The following NLN variants were observed in gnomAD, a reference collection of about 807,000 sequenced individuals.
NLN encodes the protein neurolysin, mitochondrial.
A neutral mutation model predicts 79.9 loss-of-function variants in NLN; 64 were observed. The ratio of observed to expected loss-of-function variants is 0.80; its 90% CI spans 0.65 to 0.99. NLN has a LOEUF of 0.99. NLN is among the 50% of genes least tolerant of loss of function. The pLI, the probability that NLN is intolerant of heterozygous loss-of-function variation, is 0.00. For missense variants in NLN, 835 were observed against 858.7 expected (o/e 0.97, Z 0.34); for synonymous variants, 267 against 296.6 (o/e 0.90, Z 1.02).
chr5:65,763,147 T>C, intron 3 of NLN, 39 bp downstream of exon 3: 4 of 1,555,512 alleles, frequency 2.6e-6, no homozygotes, highest in Non-Finnish European at 3.5e-6. Context: ...AGGGAAAAAC[T>C]CTACAACAAA....
In NLN at chr5:65,825,260, C is replaced by T. The variant is rs1333092098; in HGVS notation, c.*2345C>T. The T allele has an allele frequency of 6.6e-6, 1 of 151,712 alleles. No individual in the cohort carries two copies. The highest frequency in any genetic ancestry group is 1.9e-4 in the East Asian group (1 of 5,190). 9.4% of individuals were successfully genotyped at this position (151,712 alleles called of 1,614,324 possible). ...TTTTCCAGATCAGAGCAGAGAATAT[C>T]ACTGACATGCTTGAAATGGTGGATA... is the stretch of plus-strand genomic sequence containing the variant. On this transcript the variant is annotated 3_prime_UTR_variant, in exon 13 of 13. Transcript: ENST00000380985.
In NLN at chr5:65,786,599, G is replaced by T. The variant is rs538184776; in HGVS notation, c.958+689G>T. On this transcript the variant is annotated intron_variant, in intron 7 of 12. Transcript: ENST00000380985. ...TGGCTGGGCATGGCAGTTCATGCCT[G>T]TAATCCCAGCACTTCGGGAGGCCGA... 2.6e-5 allele frequency among the ~76,000 whole-genome samples: 4 copies of T among 152,236 alleles called. No homozygotes were observed. The South Asian group carries it at 6.2e-4, about 24-fold the overall frequency.
intron 1 of NLN, among the ~76,000 whole-genome samples, chr5:65,732,020 C>T (rs1041682699): frequency 2.0e-5 from 3 of 151,892 alleles, no homozygotes; most frequent in Admixed American, 6.6e-5. Flanking sequence ...CAAAGTGCTA[C>T]GATTACAGGC....
intron 1 of NLN, among the ~76,000 whole-genome samples, chr5:65,731,351 C>T (rs1010705555): frequency 6.6e-6 from 1 of 152,212 alleles, no homozygotes; most frequent in Non-Finnish European, 1.5e-5. Context: ...GAACAGCAAA[C>T]TCACATTGTT....
intron 1 of NLN, among the ~76,000 whole-genome samples, chr5:65,738,980 T>TATATAAA (rs1429675157): frequency 3.5e-5 from 1 of 28,290 alleles, no homozygotes; most frequent in East Asian, 7.0e-4. Flanking sequence ...AATATATATA[T>TATATAAA]TATATATTTA....
At chr5:65,792,879 G>T (rs1343428350) in intron 9 of NLN, 10 of 596,670 alleles carry the variant, frequency 1.7e-5, no homozygotes, top group Non-Finnish European at 2.8e-5. Context: ...TTGAATAACA[G>T]CCTATGGAAA....
chr5:65,812,885 G>A (rs1289350879), intron 12 of NLN, among the ~76,000 whole-genome samples: 2 of 152,098 alleles, frequency 1.3e-5, no homozygotes, highest in East Asian at 1.9e-4. Context: ...AAGTTGCTTC[G>A]TTAACCTGAG....
chr5:65,756,079 A>T (rs911543023), intron 1 of NLN, among the ~76,000 whole-genome samples: 1 of 152,100 alleles, frequency 6.6e-6, no homozygotes, highest in African/African-American at 2.4e-5. Context: ...ATTTCTCAAC[A>T]TCTGTACGTT....
chr5:65,809,208 T>C, intron 9 of NLN: 1 of 226,652 alleles, frequency 4.4e-6, no homozygotes. Flanking sequence ...CTTTCAAAGC[T>C]TAAGGCTTGT....
intron 9 of NLN, among the ~76,000 whole-genome samples, chr5:65,795,422 C>T (rs1382987845): frequency 2.0e-5 from 3 of 152,100 alleles, no homozygotes; most frequent in African/African-American, 4.8e-5. Context: ...CATGGTGGCT[C>T]ACACCTGTAA....
intron 11 of NLN, among the ~76,000 whole-genome samples, chr5:65,811,525 G>A (rs1241867282): frequency 6.6e-6 from 1 of 152,030 alleles, no homozygotes; most frequent in Non-Finnish European, 1.5e-5. Flanking sequence ...TTGGTGAAAA[G>A]TTCTTTTTCA....
chr5:65,809,976 G>A, intron 10 of NLN, 61 bp from the exon 11 acceptor site: 1 of 1,572,942 alleles, frequency 6.4e-7, no homozygotes, highest in Non-Finnish European at 8.7e-7. Flanking sequence ...ACAATCTTGT[G>A]ATAATAAAAC....
At position 65,722,397 on chromosome 5, in the gene NLN, T is replaced by A. The variant is rs752802221; in HGVS notation, c.24T>A (p.Ala8=). The A allele has an allele frequency of 1.3e-6, 2 of 1,591,164 alleles. No homozygotes were observed. Among genetic ancestry groups the A allele is most frequent in the Admixed American group, 1.7e-5 (1 of 57,630 alleles). The change falls in exon 1 of 13, where the codon GCT becomes GCA. Residue 8 remains alanine (A), a synonymous_variant. Coordinates refer to ENST00000380985, the MANE Select transcript of NLN (RefSeq NM_020726.5). MIARCLL[A]VRSLRRVGGS... The stretch of plus-strand genomic sequence containing the variant: ...CCATGATCGCCCGGTGCCTTTTGGC[T>A]GTGCGAAGCCTCCGCAGGTACCTCC...
chr5:65,757,803 A>G (rs1415325737), intron 1 of NLN, among the ~76,000 whole-genome samples: 1 of 152,172 alleles, frequency 6.6e-6, no homozygotes, highest in Non-Finnish European at 1.5e-5. Flanking sequence ...CTTAATTTAC[A>G]TGAAATTTTG....
Position 65,823,165 on chromosome 5 carries a change from G to T in NLN, c.*250G>T. On this transcript the variant is annotated 3_prime_UTR_variant, in exon 13 of 13. Coordinates refer to ENST00000380985, the MANE Select transcript of NLN (RefSeq NM_020726.5). ...CTGGATTTGATTTCTTTTTATGAAA[G>T]TTTCATATGAATGTAACTTGATTTT... is the stretch of plus-strand genomic sequence containing the variant. 1 of 370,488 alleles carries T rather than the reference G, an allele frequency of 2.7e-6. No individual in the cohort carries two copies. Among genetic ancestry groups the T allele is most frequent in the Non-Finnish European group, 4.8e-6 (1 of 206,532 alleles). The allele number at this position is 370,488 out of a possible 1,614,324, so 23.0% of individuals were successfully genotyped here. A position where few individuals can be genotyped will look rare whatever the true frequency, so the allele number is the denominator to read the frequency against.
At chr5:65,744,472 CT>C (rs199944194) in intron 1 of NLN, among the ~76,000 whole-genome samples, 33,789 of 139,386 alleles carry the variant, frequency 0.24, 3,639 homozygotes, top group African/African-American at 0.27. Context: ...TCTCTCTCCC[CT>C]TTTTTTTTTT....
Position 65,812,242 on chromosome 5 carries a change from T to C in NLN, c.1844-13T>C, listed in dbSNP as rs200958996. ...TTGCTATCACATTGATTGAAATGTATCTTTTTTTAAAGGCACAAATATGCC... is the reference window on the plus strand; with the variant it reads ...TTGCTATCACATTGATTGAAATGTACCTTTTTTTAAAGGCACAAATATGCC... On this transcript the variant is annotated splice_polypyrimidine_tract_variant and intron_variant, in intron 11 of 12. Transcript: ENST00000380985. 1.2e-4 allele frequency: 191 copies of C among 1,612,606 alleles called. No homozygotes were observed. In the African/African-American group the frequency reaches 2.3e-3, roughly 19 times the overall value.
At position 65,810,056 on chromosome 5, in the gene NLN, G is replaced by A. The variant is rs1220057960; in HGVS notation, c.1734G>A (p.Gln578=). 3.1e-6 allele frequency: 5 copies of A among 1,613,970 alleles called. No individual in the cohort carries two copies. The African/African-American group carries it at 5.3e-5, about 17-fold the overall frequency. Residue 578 remains glutamine, a synonymous_variant, in exon 11 of 13, where the codon CAG becomes CAA. Coordinates refer to ENST00000380985, the MANE Select transcript of NLN (RefSeq NM_020726.5). ...TATTAGGTCTTCTGACCCTGCGCCA[G>A]ATTGTTTTGAGCAAAGTTGATCAGT... ...LVNTGLLTLR[Q]IVLSKVDQSL...
At chr5:65,810,213 C>T in intron 11 of NLN, 48 bp downstream of exon 11, 8 of 1,546,442 alleles carry the variant, frequency 5.2e-6, no homozygotes, top group South Asian at 2.2e-5. Context: ...AAGCACAGGG[C>T]GTTCTCCTAA....
Sources: gnomAD v4.1 joint callset for allele counts (sites outside exome capture counted in the v4.1 genomes callset) on GRCh38, gnomAD v4.1.1 for gene constraint, MANE v1.5 for transcripts, NCBI Gene and HGNC (gene_info 2026-07-23, HGNC 2026-07-21) for gene names.